TCF4: variants seen among roughly 807,000 people sequenced by gnomAD.
TCF4 encodes transcription factor 4, also known as SL3-3 enhancer factor 2.
TCF4 carries 3 observed loss-of-function variants against 82.1 expected under a neutral mutation model. The ratio of observed to expected loss-of-function variants is 0.04; its 90% CI spans 0.02 to 0.09. TCF4 has a LOEUF of 0.09. Among genes scored for constraint, TCF4 ranks in the 10% least tolerant of loss-of-function variants. The probability of loss-of-function intolerance (pLI) is 1.00; values close to 1 mark genes in which losing one functional copy is unlikely to be tolerated. For synonymous variants in TCF4, 276 were observed against 309.6 expected (o/e 0.89, Z 1.14); for missense variants, 518 against 852.7 (o/e 0.61, Z 4.89).
chr18:55,492,510 T>C (rs969817608), intron 3 of TCF4, among the ~76,000 whole-genome samples: 1 of 152,212 alleles, frequency 6.6e-6, no homozygotes, highest in Non-Finnish European at 1.5e-5. Flanking sequence ...TCTAAAAACA[T>C]AATTAATATG....
chr18:55,546,857 T>C (rs1005021691), intron 3 of TCF4: 4 of 152,252 alleles, frequency 2.6e-5, no homozygotes, highest in African/African-American at 7.2e-5. Flanking sequence ...ATAACATTTC[T>C]TACTTTCAGT....
intron 11 of TCF4, among the ~76,000 whole-genome samples, chr18:55,263,172 A>C (rs1241468787): frequency 6.6e-6 from 1 of 152,150 alleles, no homozygotes; most frequent in Non-Finnish European, 1.5e-5. Flanking sequence ...TTAATTGCTA[A>C]AATACTGAAA....
At chr18:55,396,216 A>C (rs2093482083) in intron 6 of TCF4, among the ~76,000 whole-genome samples, 1 of 152,200 alleles carries the variant, frequency 6.6e-6, no homozygotes. Flanking sequence ...AAAACATCTT[A>C]GAGTTCAGAG....
chr18:55,513,651 T>C (rs1319837794), intron 3 of TCF4, among the ~76,000 whole-genome samples: 4 of 152,180 alleles, frequency 2.6e-5, no homozygotes, highest in Admixed American at 6.6e-5. Flanking sequence ...CTTGCAACTA[T>C]AAATTTGGAA....
chr18:55,468,982 G>T (rs1308920418), intron 3 of TCF4, among the ~76,000 whole-genome samples: 2 of 150,898 alleles, frequency 1.3e-5, no homozygotes, highest in Admixed American at 1.3e-4. Context: ...GCAAGTAGAT[G>T]ATAGAAATTC....
chr18:55,380,887 C>T (rs941820129), intron 6 of TCF4, among the ~76,000 whole-genome samples: 8 of 152,172 alleles, frequency 5.3e-5, no homozygotes, highest in Non-Finnish European at 1.2e-4. Context: ...AGGAAAGTAG[C>T]GTTTCAGAGC....
intron 3 of TCF4, among the ~76,000 whole-genome samples, chr18:55,549,002 C>A (rs1185197129): frequency 6.6e-6 from 1 of 150,824 alleles, no homozygotes; most frequent in Non-Finnish European, 1.5e-5. Flanking sequence ...TTTTTTTTTT[C>A]TTATTTTTCT....
intron 8 of TCF4, among the ~76,000 whole-genome samples, chr18:55,315,559 T>C (rs1409535738): frequency 6.6e-6 from 1 of 152,080 alleles, no homozygotes; most frequent in Non-Finnish European, 1.5e-5. Flanking sequence ...TTAAGTGGAG[T>C]TCATGTATAA....
chr18:55,466,122 T>C (rs2096012387), intron 3 of TCF4, among the ~76,000 whole-genome samples: 1 of 152,168 alleles, frequency 6.6e-6, no homozygotes, highest in African/African-American at 2.4e-5. Context: ...AATTTGGGTG[T>C]TGCTAGTGGC....
chr18:55,560,756 C>T (rs1009687595), intron 3 of TCF4, among the ~76,000 whole-genome samples: 1 of 152,084 alleles, frequency 6.6e-6, no homozygotes, highest in East Asian at 1.9e-4. Context: ...TTTGCTGCCA[C>T]CATCAAGCAG....
At chr18:55,501,905 C>G (rs1466178661) in intron 3 of TCF4, among the ~76,000 whole-genome samples, 3 of 152,142 alleles carry the variant, frequency 2.0e-5, no homozygotes, top group Admixed American at 1.3e-4. Context: ...CCCGCCCACC[C>G]TAATCATACA....
intron 8 of TCF4, 88 bp downstream of exon 8, chr18:55,350,271 T>G: frequency 9.9e-6 from 14 of 1,407,360 alleles, no homozygotes; most frequent in Non-Finnish European, 1.4e-5. Context: ...TCTGGGCGCA[T>G]GGAAACTCAT....
chr18:55,504,401 T>C (rs774198745), intron 3 of TCF4, among the ~76,000 whole-genome samples: 2 of 152,220 alleles, frequency 1.3e-5, no homozygotes, highest in Non-Finnish European at 2.9e-5. Context: ...GGCTCTCCTA[T>C]GAAAATTAGA....
intron 3 of TCF4, among the ~76,000 whole-genome samples, chr18:55,488,187 TTTCA>T (rs1415329733): frequency 2.6e-5 from 4 of 152,202 alleles, no homozygotes; most frequent in Non-Finnish European, 5.9e-5. Flanking sequence ...CTCCCTGGGT[TTTCA>T]TTGGCTATAG....
intron 6 of TCF4, chr18:55,401,057 CAAGA>C (rs1313500510): frequency 3.9e-6 from 5 of 1,288,934 alleles, no homozygotes; most frequent in Non-Finnish European, 5.1e-6. Flanking sequence ...ACTTGAAGCC[CAAGA>C]TACTGAGATT....
chr18:55,299,659 G>A (rs116467204), intron 8 of TCF4, among the ~76,000 whole-genome samples: 1,820 of 152,074 alleles, frequency 0.012, 44 homozygotes, highest in African/African-American at 0.041. Context: ...TTACCAGACA[G>A]GTAAATTTGA....
chr18:55,535,912 C>T (rs551816189), intron 3 of TCF4, among the ~76,000 whole-genome samples: 2 of 152,136 alleles, frequency 1.3e-5, no homozygotes, highest in East Asian at 1.9e-4. Context: ...GGAAACAGTC[C>T]GATGACAAAT....
intron 3 of TCF4, among the ~76,000 whole-genome samples, chr18:55,538,528 TA>T (rs2097138578): frequency 6.6e-6 from 1 of 152,198 alleles, no homozygotes; most frequent in African/African-American, 2.4e-5. Context: ...GGAAAGTTTT[TA>T]AAGGATTTCT....
At chr18:55,578,606 C>T (rs1281565731) in intron 3 of TCF4, among the ~76,000 whole-genome samples, 1 of 152,004 alleles carries the variant, frequency 6.6e-6, no homozygotes, top group Non-Finnish European at 1.5e-5. Context: ...GCTAAAATTA[C>T]TTGGATCAAA....
Sources: allele counts gnomAD v4.1 joint callset (sites outside exome capture counted in the v4.1 genomes callset), GRCh38; gene constraint gnomAD v4.1.1; transcripts MANE v1.5; gene names NCBI Gene and HGNC (gene_info 2026-07-23, HGNC 2026-07-21).